The following CLEC12A variants were observed in gnomAD, a reference collection of about 807,000 sequenced individuals.
The protein encoded by CLEC12A is C-type lectin domain family 12 member A.
In CLEC12A, 22 loss-of-function variants were observed where a neutral mutation model predicts 26.5. That is an observed-to-expected ratio of 0.83 (90% CI 0.59 to 1.19). The LOEUF (loss-of-function observed/expected upper bound fraction) is 1.19, where lower values mean the gene tolerates loss of function less well. CLEC12A is among the 50% of genes most tolerant of loss of function. The probability of loss-of-function intolerance (pLI) is 0.00; values close to 1 mark genes in which losing one functional copy is unlikely to be tolerated. For synonymous variants in CLEC12A, 119 were observed against 101.9 expected, an observed-to-expected ratio of 1.17 and a Z score of -1.01; for missense variants, 353 against 315.6, an observed-to-expected ratio of 1.12 and a Z score of -0.90.
In CLEC12A at chr12:9,953,730, C is replaced by G. The variant is rs1204254259; in HGVS notation, c.10+2374C>G. ...GGTGTGCCCAGCAGCTCATTGAGAACGGGCCAGGATGACAATGGCGGCTTT... is the reference window on the plus strand; with the variant it reads ...GGTGTGCCCAGCAGCTCATTGAGAAGGGGCCAGGATGACAATGGCGGCTTT... On this transcript the variant is annotated intron_variant, in intron 1 of 6. Coordinates refer to the CLEC12A transcript ENST00000355690. Among the ~76,000 whole-genome samples, 16 of 151,740 alleles carry G rather than the reference C, an allele frequency of 1.1e-4. No individual in the cohort carries two copies. The East Asian group carries it at 2.2e-3, about 21-fold the overall frequency.
At chr12:9,993,921 C>T (rs1864963180) in intron 4 of CLEC12A, among the ~76,000 whole-genome samples, 1 of 152,068 alleles carries the variant, frequency 6.6e-6, no homozygotes. Context: ...TGAGGATACA[C>T]TGATAAAGAA....
intron 4 of CLEC12A, among the ~76,000 whole-genome samples, chr12:9,981,378 C>A (rs1323679454): frequency 1.3e-5 from 2 of 152,136 alleles, no homozygotes; most frequent in African/African-American, 4.8e-5. Flanking sequence ...ACATAGCAAT[C>A]ATATATTTTT....
At chr12:9,970,354 T>C, upstream of CLEC12A, among the ~76,000 whole-genome samples, 1 of 152,330 alleles carries the variant, frequency 6.6e-6, no homozygotes, top group South Asian at 2.1e-4. Flanking sequence ...GTTTTTCCTG[T>C]CTATCCTGAC....
chr12:9,979,125 A>G (rs1339249877), intron 2 of CLEC12A, 61 bp downstream of exon 2: 1 of 1,363,776 alleles, frequency 7.3e-7, no homozygotes, highest in Non-Finnish European at 1.0e-6. Context: ...ATTTAGCAAC[A>G]AAAGTTTATT....
chr12:9,996,812 G>A (rs752437230), downstream of CLEC12A: 3 of 1,611,446 alleles, frequency 1.9e-6, no homozygotes, highest in South Asian at 3.3e-5. Context: ...TCTCTTCCTT[G>A]CCTCCAAAAT....
chr12:9,987,491 C>A (rs759619538), downstream of CLEC12A, among the ~76,000 whole-genome samples: 3 of 152,162 alleles, frequency 2.0e-5, no homozygotes, highest in Non-Finnish European at 4.4e-5. Context: ...TCCTGACTAG[C>A]GCTCTAGCTT....
chr12:9,983,432 T>C, intron 5 of CLEC12A: 1 of 659,702 alleles, frequency 1.5e-6, no homozygotes, highest in Non-Finnish European at 2.7e-6. Flanking sequence ...ATTTATACGT[T>C]GTATTTGTTC....
At chr12:9,978,782 G>C (rs997069156) in intron 1 of CLEC12A, among the ~76,000 whole-genome samples, 184 bp from the exon 2 acceptor site, 1 of 151,912 alleles carries the variant, frequency 6.6e-6, no homozygotes, top group African/African-American at 2.4e-5. Flanking sequence ...AAGTGATTTT[G>C]ATTTATTCTT....
At chr12:9,982,247 C>G (rs1423831152) in intron 5 of CLEC12A, 118 bp downstream of exon 5, 2 of 615,078 alleles carry the variant, frequency 3.3e-6, no homozygotes, top group Non-Finnish European at 5.7e-6. Context: ...CTAAAAGAAC[C>G]CTTTTCTATC....
intron 4 of CLEC12A, chr12:9,995,010 T>C: frequency 6.4e-7 from 1 of 1,569,108 alleles, no homozygotes; most frequent in East Asian, 2.3e-5. Context: ...CTGTCTTGTT[T>C]GAATTAGCAG....
chr12:9,978,537 T>C (rs1474602948), intron 1 of CLEC12A, among the ~76,000 whole-genome samples: 2 of 152,110 alleles, frequency 1.3e-5, no homozygotes, highest in Admixed American at 6.6e-5. Flanking sequence ...ACTGAAACTG[T>C]TTTTCTTGAC....
At chr12:9,955,011 C>T (rs937617443) in intron 1 of CLEC12A, among the ~76,000 whole-genome samples, 2 of 152,156 alleles carry the variant, frequency 1.3e-5, no homozygotes, top group African/African-American at 4.8e-5. Context: ...ATAAATAAGA[C>T]TAATTTAATG....
At chr12:9,986,153 G>T (rs1386112419), downstream of CLEC12A, 27 of 454,786 alleles carry the variant, frequency 5.9e-5, no homozygotes, top group Non-Finnish European at 1.1e-4. Context: ...CATGATTTGG[G>T]TTTTCCTGGA....
chr12:9,998,196 C>T (rs749886210), downstream of CLEC12A: 42 of 984,844 alleles, frequency 4.3e-5, no homozygotes, highest in East Asian at 4.8e-4. Context: ...AGACAAATAG[C>T]GACCATTGAG....
upstream of CLEC12A, among the ~76,000 whole-genome samples, chr12:9,967,675 T>TG (rs576596618): frequency 8.0e-4 from 117 of 146,162 alleles, 1 homozygote; most frequent in African/African-American, 2.1e-3. Flanking sequence ...GAGAAGGGGT[T>TG]GGGGGGTTCT....
At chr12:10,004,839 A>G in the CLEC12A span, among the ~76,000 whole-genome samples, 1 of 151,920 alleles carries the variant, frequency 6.6e-6, no homozygotes, top group Admixed American at 6.6e-5. Flanking sequence ...ATATGTATAC[A>G]TGTGCCATGT....
intron 4 of CLEC12A, chr12:9,992,578 T>C (rs1011717982): frequency 4.6e-5 from 7 of 152,190 alleles, no homozygotes; most frequent in African/African-American, 1.7e-4. Flanking sequence ...TTTTAGGTTG[T>C]AGAACTGTGA....
chr12:9,974,833 C>A (rs897629555), intron 1 of CLEC12A, among the ~76,000 whole-genome samples: 1 of 152,168 alleles, frequency 6.6e-6, no homozygotes, highest in South Asian at 2.1e-4. Flanking sequence ...TATGGTTTGA[C>A]TGTGTCTCCA....
At chr12:9,990,450 G>C (rs1405647196), downstream of CLEC12A, among the ~76,000 whole-genome samples, 1 of 152,206 alleles carries the variant, frequency 6.6e-6, no homozygotes, top group Non-Finnish European at 1.5e-5. Flanking sequence ...AGTAACTGCA[G>C]ATGTGGTGGA....
Sources: allele counts gnomAD v4.1 joint callset (sites outside exome capture counted in the v4.1 genomes callset), GRCh38; gene constraint gnomAD v4.1.1; transcripts MANE v1.5; gene names NCBI Gene and HGNC (gene_info 2026-07-23, HGNC 2026-07-21).